Variants in MLNR observed in about 807,000 individuals in gnomAD.
MLNR encodes G protein-coupled receptor 38.
MLNR carries 16 observed loss-of-function variants against 20.0 expected under a neutral mutation model. The observed-to-expected ratio is 0.80, with a 90% confidence interval of 0.54 to 1.22. The LOEUF (loss-of-function observed/expected upper bound fraction) is 1.22. Among genes scored for constraint, MLNR ranks in the 50% most tolerant of loss-of-function variants. The pLI is 0.00. For synonymous variants in MLNR, 302 were observed against 287.2 expected, an observed-to-expected ratio of 1.05 and a Z score of -0.52; for missense variants, 630 against 592.3, an observed-to-expected ratio of 1.06 and a Z score of -0.66.
rs1249095799 is a variant in MLNR, at chr13:49,222,162, C to T, written c.1024C>T (p.Gln342Ter). ...TCAGTACTTTAACATCGTCGCTCTG[C>T]AACTTTTCTATCTGAGCGCATCTAT... is the stretch of plus-strand genomic sequence containing the variant. ...FSQYFNIVAL[Q>*]LFYLSASINP... The change falls in exon 2 of 2, where the codon CAA becomes TAA. Residue 342 changes from glutamine to a stop codon, truncating the protein, a stop_gained. Coordinates refer to ENST00000218721, the MANE Select transcript of MLNR (RefSeq NM_001507.1). LOFTEE classifies it low-confidence loss of function (END_TRUNC). The T allele has an allele frequency of 6.2e-7, 1 of 1,614,138 alleles. No homozygotes were observed.
In MLNR at chr13:49,221,174, G is replaced by A; in HGVS notation, c.837G>A (p.Arg279=). The A allele has an allele frequency of 6.3e-7, 1 of 1,586,688 alleles. No individual in the cohort carries two copies. Among genetic ancestry groups the A allele is most frequent in the East Asian group, 2.3e-5 (1 of 43,856 alleles). ...GGCGGGAGCTGTGGAGCAGCCGGCG[G>A]CCGCTGCGAGGCCCGGCCGCCTCGG... The part of the protein sequence containing the change: ...LIGRELWSSR[R]PLRGPAASGR... The change falls in exon 1 of 2, where the codon CGG becomes CGA. Residue 279 remains arginine (R), a synonymous_variant. Coordinates refer to ENST00000218721, the MANE Select transcript of MLNR (RefSeq NM_001507.1).
chr13:49,221,418 T>TCCTG (rs1887010995), intron 1 of MLNR, 180 bp downstream of exon 1: 3 of 675,650 alleles, frequency 4.4e-6, no homozygotes, highest in Non-Finnish European at 7.4e-6. Context: ...GAAAACCATG[T>TCCTG]CCTGTCCCCC....
rs2138171117 is a variant in MLNR, at chr13:49,222,246, C to T, written c.1108C>T (p.Leu370=). The change falls in exon 2 of 2, where the codon CTG becomes TTG. Residue 370 remains leucine, a synonymous_variant. Coordinates refer to ENST00000218721, the MANE Select transcript of MLNR (RefSeq NM_001507.1). ...KKYRAAAFKL[L]LARKSRPRGF... ...GTACAGAGCGGCGGCCTTTAAACTG[C>T]TGCTCGCAAGGAAGTCCAGGCCGAG... The T allele has an allele frequency of 6.2e-7, 1 of 1,614,078 alleles. No individual in the cohort carries two copies. Among genetic ancestry groups the T allele is most frequent in the South Asian group, 1.1e-5 (1 of 91,080 alleles).
rs1403913410 is a variant in MLNR, at chr13:49,222,138, CAG to C, written c.1001_1002del (p.Gln334LeufsTer3). 5 of 1,613,784 alleles carry C rather than the reference CAG, an allele frequency of 3.1e-6. No homozygotes were observed. The highest frequency in any genetic ancestry group is 1.7e-5 in the Admixed American group (1 of 60,016). On this transcript the variant is annotated frameshift_variant, in exon 2 of 2. Transcript: ENST00000218721. LOFTEE classifies it low-confidence loss of function (END_TRUNC). ...TEDSRMMYFS[Q>X]YFNIVALQLF... ...AGATTCGCGGATGATGTACTTCTCTCAGTACTTTAACATCGTCGCTCTGCAAC... is the reference window on the plus strand; with the variant it reads ...AGATTCGCGGATGATGTACTTCTCTCTACTTTAACATCGTCGCTCTGCAAC...
At chr13:49,222,017 C>T (rs201892959) in intron 1 of MLNR, 23 bp from the exon 2 acceptor site, 59 of 1,597,644 alleles carry the variant, frequency 3.7e-5, no homozygotes, top group East Asian at 4.5e-5. Flanking sequence ...TTGTTAATCC[C>T]GGTGCTGTGT....
rs141734443 is a variant in MLNR at position 49,220,631 on chromosome 13, C to G, written c.294C>G (p.Leu98=). Residue 98 remains leucine (L), a synonymous_variant, in exon 1 of 2, where the codon CTC becomes CTG. Coordinates refer to ENST00000218721, the MANE Select transcript of MLNR (RefSeq NM_001507.1). The surrounding 1 kb of genome is among the most constrained non-coding windows in gnomAD (Gnocchi z 4.4). ...LLGLPFDLYR[L]WRSRPWVFGP... Reference sequence around the variant, plus strand: ...GGCTGCCGTTCGACCTGTACCGCCTCTGGCGCTCGCGGCCCTGGGTGTTCG... The same window carrying G: ...GGCTGCCGTTCGACCTGTACCGCCTGTGGCGCTCGCGGCCCTGGGTGTTCG... The G allele has an allele frequency of 6.2e-7, 1 of 1,611,830 alleles. No individual in the cohort carries two copies. Among genetic ancestry groups the G allele is most frequent in the Admixed American group, 1.7e-5 (1 of 59,936 alleles).
At position 49,220,721 on chromosome 13, in the gene MLNR, C is replaced by T; in HGVS notation, c.384C>T (p.His128=). 2 of 1,589,150 alleles carry T rather than the reference C, an allele frequency of 1.3e-6. No individual in the cohort carries two copies. The highest frequency in any genetic ancestry group is 1.7e-6 in the Non-Finnish European group (2 of 1,169,266). Residue 128 remains histidine, a synonymous_variant, in exon 1 of 2, where the codon CAC becomes CAT. Transcript: ENST00000218721. The surrounding 1 kb of genome is among the most constrained non-coding windows in gnomAD (Gnocchi z 4.4). Reference sequence around the variant, plus strand: ...GCTGCACCTACGCCACGCTGCTGCACATGACCGCGCTCAGCGTCGAGCGCT... The same window carrying T: ...GCTGCACCTACGCCACGCTGCTGCATATGACCGCGCTCAGCGTCGAGCGCT... ...GEGCTYATLL[H]MTALSVERYL... is the part of the protein sequence containing the mutation.
rs777815772 is a variant in MLNR, at chr13:49,221,021, G to A, written c.684G>A (p.Ala228=). ...CGGGGCCCGAGACCGCGGAGGCCGC[G>A]GCGCTGTTCAGCCGCGAATGCCGGC... The part of the protein sequence containing the change: ...PPSGPETAEA[A]ALFSRECRPS... Residue 228 remains alanine (A), a synonymous_variant, in exon 1 of 2, where the codon GCG becomes GCA. Coordinates refer to ENST00000218721, the MANE Select transcript of MLNR (RefSeq NM_001507.1). 4.0e-5 allele frequency: 62 copies of A among 1,545,402 alleles called. No homozygotes were observed. In the East Asian group the frequency reaches 5.9e-4, roughly 15 times the overall value.
chr13:49,220,521 C>G lies in MLNR; in HGVS notation c.184C>G (p.Leu62Val). ...GVSGNVVTVMLIGRYRDMRTT... is the reference protein window; with the variant it reads ...GVSGNVVTVMVIGRYRDMRTT... ...GAGCGGCAACGTGGTGACCGTGATG[C>G]TGATCGGGCGCTACCGGGACATGCG... The change falls in exon 1 of 2, where the codon CTG becomes GTG. Residue 62 changes from leucine to valine, a missense_variant. Coordinates refer to ENST00000218721, the MANE Select transcript of MLNR (RefSeq NM_001507.1). The surrounding 1 kb of genome is among the most constrained non-coding windows in gnomAD (Gnocchi z 4.4). The G allele has an allele frequency of 6.2e-7, 1 of 1,608,298 alleles. No individual in the cohort carries two copies. The highest frequency in any genetic ancestry group is 2.3e-5 in the East Asian group (1 of 44,230).
rs1887001115 is a variant in MLNR at position 49,220,987 on chromosome 13, C to T, written c.650C>T (p.Ser217Phe). The change falls in exon 1 of 2, where the codon TCC becomes TTC. Residue 217 changes from serine (S) to phenylalanine (F), a missense_variant. Physicochemically the swap from Ser to Phe is radical, Grantham distance 155. Transcript: ENST00000218721. This position sits in a 1 kb window ranked among gnomAD's most constrained non-coding sequence, Gnocchi z 4.4. ...PLWLSRAPPPSPPSGPETAEA... is the reference protein window; with the variant it reads ...PLWLSRAPPPFPPSGPETAEA... ...TGGCTCTCGCGGGCGCCACCGCCGT[C>T]CCCGCCGTCGGGGCCCGAGACCGCG... 6.6e-7 allele frequency: 1 copy of T among 1,506,622 alleles called. No homozygotes were observed. The highest frequency in any genetic ancestry group is 1.4e-5 in the African/African-American group (1 of 69,342). The allele number at this position is 1,506,622 out of a possible 1,614,324, so 93.3% of individuals were successfully genotyped here.
Position 49,220,874 on chromosome 13 carries a change from C to T in MLNR, c.537C>T (p.Val179=), listed in dbSNP as rs1479598180. The T allele has an allele frequency of 6.4e-7, 1 of 1,570,534 alleles. No homozygotes were observed. Among genetic ancestry groups the T allele is most frequent in the East Asian group, 2.4e-5 (1 of 41,460 alleles). Residue 179 remains valine, a synonymous_variant, in exon 1 of 2, where the codon GTC becomes GTT. Transcript: ENST00000218721. This position sits in a 1 kb window ranked among gnomAD's most constrained non-coding sequence, Gnocchi z 4.4. Reference sequence around the variant, plus strand: ...GTCCCTTCTTGTTCCTGGTGGGCGTCGAGCAGGACCCCGGCATCTCCGTAG... The same window carrying T: ...GTCCCTTCTTGTTCCTGGTGGGCGTTGAGCAGGACCCCGGCATCTCCGTAG... The part of the protein sequence containing the change: ...SAGPFLFLVG[V]EQDPGISVVP...
At position 49,221,201 on chromosome 13, in the gene MLNR, G is replaced by A; in HGVS notation, c.864G>A (p.Gly288=). The A allele has an allele frequency of 6.3e-7, 1 of 1,588,098 alleles. No homozygotes were observed. The highest frequency in any genetic ancestry group is 8.5e-7 in the Non-Finnish European group (1 of 1,175,168). ...RRPLRGPAAS[G]RERGHRQTVR... ...CGCTGCGAGGCCCGGCCGCCTCGGG[G>A]CGGGAGAGAGGCCACCGGCAGACCG... The change falls in exon 1 of 2, where the codon GGG becomes GGA. Residue 288 remains glycine, a synonymous_variant. Coordinates refer to ENST00000218721, the MANE Select transcript of MLNR (RefSeq NM_001507.1).
chr13:49,221,313 C>A, intron 1 of MLNR, 75 bp downstream of exon 1: 1 of 1,446,688 alleles, frequency 6.9e-7, no homozygotes, highest in Non-Finnish European at 9.4e-7. Flanking sequence ...AACGCTGGGT[C>A]CCCTTCCCCT....
At chr13:49,221,628 T>G (rs1887013581) in intron 1 of MLNR, among the ~76,000 whole-genome samples, 1 of 152,252 alleles carries the variant, frequency 6.6e-6, no homozygotes, top group Non-Finnish European at 1.5e-5. Context: ...AGCTAAAATT[T>G]TTTATTTAAT....
intron 1 of MLNR, among the ~76,000 whole-genome samples, chr13:49,221,587 T>C (rs371857445): frequency 7.2e-5 from 11 of 152,254 alleles, no homozygotes; most frequent in African/African-American, 2.4e-4. Context: ...GTCCTCACAG[T>C]GCTCTTGAGA....
Position 49,220,642 on chromosome 13 carries a change from G to C in MLNR, c.305G>C (p.Arg102Pro), listed in dbSNP as rs1270155444. 3 of 1,610,422 alleles carry C rather than the reference G, an allele frequency of 1.9e-6. No homozygotes were observed. Among genetic ancestry groups the C allele is most frequent in the East Asian group, 2.2e-5 (1 of 44,704 alleles). ...GACCTGTACCGCCTCTGGCGCTCGC[G>C]GCCCTGGGTGTTCGGGCCGCTGCTC... Reference protein sequence around the residue: ...PFDLYRLWRSRPWVFGPLLCR... With the variant: ...PFDLYRLWRSPPWVFGPLLCR... Residue 102 changes from arginine to proline, a missense_variant, in exon 1 of 2, where the codon CGG (arginine) becomes CCG (proline). Physicochemically the swap from Arg to Pro is moderately radical, Grantham distance 103 (BLOSUM62 -2). Coordinates refer to ENST00000218721, the MANE Select transcript of MLNR (RefSeq NM_001507.1). The surrounding 1 kb of genome is among the most constrained non-coding windows in gnomAD (Gnocchi z 4.4).
intron 1 of MLNR, 104 bp downstream of exon 1, chr13:49,221,342 GC>G (rs1887009815): frequency 8.4e-7 from 1 of 1,191,964 alleles, no homozygotes; most frequent in South Asian, 1.3e-5. Context: ...AGCTCTGGGC[GC>G]CGCTTCCAGC....
In MLNR at chr13:49,220,529, G is replaced by C. The variant is rs199943015; in HGVS notation, c.192G>C (p.Gly64=). Residue 64 remains glycine (G), a synonymous_variant, in exon 1 of 2, where the codon GGG becomes GGC. Coordinates refer to ENST00000218721, the MANE Select transcript of MLNR (RefSeq NM_001507.1). This position sits in a 1 kb window ranked among gnomAD's most constrained non-coding sequence, Gnocchi z 4.4. ...SGNVVTVMLI[G]RYRDMRTTTN... ...ACGTGGTGACCGTGATGCTGATCGG[G>C]CGCTACCGGGACATGCGGACCACCA... The C allele has an allele frequency of 6.2e-7, 1 of 1,610,342 alleles. No homozygotes were observed. The highest frequency in any genetic ancestry group is 8.5e-7 in the Non-Finnish European group (1 of 1,178,502).
intron 1 of MLNR, 126 bp downstream of exon 1, chr13:49,221,364 A>C: frequency 9.8e-7 from 1 of 1,015,712 alleles, no homozygotes; most frequent in Non-Finnish European, 1.5e-6. Flanking sequence ...TCCCTTTCCT[A>C]TTTCGATTCC....
Sources: allele counts gnomAD v4.1 joint callset (sites outside exome capture counted in the v4.1 genomes callset), GRCh38; gene constraint gnomAD v4.1.1; non-coding constraint Gnocchi (gnomAD v3.1); transcripts MANE v1.5; gene names NCBI Gene and HGNC (gene_info 2026-07-23, HGNC 2026-07-21).